Variants in TSPAN13 observed in about 807,000 individuals in gnomAD.
TSPAN13 encodes the protein tetraspanin-13.
A neutral mutation model predicts 26.9 loss-of-function variants in TSPAN13; 18 were observed. The ratio of observed to expected loss-of-function variants is 0.67; its 90% CI spans 0.46 to 0.99. The LOEUF (loss-of-function observed/expected upper bound fraction) is 0.99. Ranked by LOEUF, TSPAN13 falls within the 50% of genes least tolerant of loss-of-function variation. The pLI, the probability that TSPAN13 is intolerant of heterozygous loss-of-function variation, is 0.00. For synonymous variants in TSPAN13, 116 were observed against 98.4 expected, an observed-to-expected ratio of 1.18 and a Z score of -1.06; for missense variants, 201 against 249.6, an observed-to-expected ratio of 0.81 and a Z score of 1.31.
intron 1 of TSPAN13, among the ~76,000 whole-genome samples, chr7:16,756,643 G>A (rs1231061770): frequency 6.6e-6 from 1 of 152,146 alleles, no homozygotes; most frequent in Non-Finnish European, 1.5e-5. Context: ...TGTTGTTTAT[G>A]GCTTGATTAT....
At chr7:16,781,349 T>C (rs889323649) in intron 5 of TSPAN13, among the ~76,000 whole-genome samples, 1 of 152,208 alleles carries the variant, frequency 6.6e-6, no homozygotes, top group African/African-American at 2.4e-5. Context: ...TACATTTTCA[T>C]GTTATGAGCA....
chr7:16,769,116 G>GT (rs1184314318), intron 1 of TSPAN13, among the ~76,000 whole-genome samples: 10 of 152,108 alleles, frequency 6.6e-5, no homozygotes, highest in African/African-American at 2.4e-4. Context: ...ATGAGCCACT[G>GT]TGCCTGGCCA....
In TSPAN13 at chr7:16,783,622, T is replaced by C; in HGVS notation, c.*131T>C. On this transcript the variant is annotated 3_prime_UTR_variant, in exon 6 of 6. Coordinates refer to ENST00000262067, the MANE Select transcript of TSPAN13 (RefSeq NM_014399.4). ...AAGTACCTTATTGATAGTGGAATTATATATTTTTACTCTATGTTTCTCTAC... is the reference window on the plus strand; with the variant it reads ...AAGTACCTTATTGATAGTGGAATTACATATTTTTACTCTATGTTTCTCTAC... 8 of 817,650 alleles carry C rather than the reference T, an allele frequency of 9.8e-6. No individual in the cohort carries two copies. Among genetic ancestry groups the C allele is most frequent in the Non-Finnish European group, 6.0e-6 (3 of 502,084 alleles). The allele number at this position is 817,650 out of a possible 1,614,324, so 50.6% of individuals were successfully genotyped here.
chr7:16,763,536 C>T (rs530279075), intron 1 of TSPAN13, among the ~76,000 whole-genome samples: 4 of 152,288 alleles, frequency 2.6e-5, no homozygotes, highest in South Asian at 2.1e-4. Flanking sequence ...GTTTCTTTTA[C>T]GGGCTAGATC....
intron 1 of TSPAN13, among the ~76,000 whole-genome samples, chr7:16,756,138 T>C (rs1157981505): frequency 1.3e-5 from 2 of 152,208 alleles, no homozygotes; most frequent in African/African-American, 4.8e-5. Context: ...AAGTCTTAGA[T>C]AGATGCTGAA....
At chr7:16,761,653 A>G (rs972051344) in intron 1 of TSPAN13, among the ~76,000 whole-genome samples, 6 of 150,842 alleles carry the variant, frequency 4.0e-5, no homozygotes, top group African/African-American at 1.2e-4. Flanking sequence ...CTGAGTAGCT[A>G]GAACTACAAG....
chr7:16,755,937 G>A (rs2115318903), intron 1 of TSPAN13, among the ~76,000 whole-genome samples: 1 of 152,202 alleles, frequency 6.6e-6, no homozygotes, highest in Admixed American at 6.5e-5. Context: ...TAATAGCTAT[G>A]CAGTAAAACT....
chr7:16,762,913 A>G (rs1324517393), intron 1 of TSPAN13, among the ~76,000 whole-genome samples: 2 of 152,186 alleles, frequency 1.3e-5, no homozygotes, highest in African/African-American at 2.4e-5. Context: ...TAAGGTGAAT[A>G]TACTTAAAGT....
chr7:16,775,193 A>G (rs140086955), intron 1 of TSPAN13, among the ~76,000 whole-genome samples: 1 of 152,176 alleles, frequency 6.6e-6, no homozygotes, highest in Non-Finnish European at 1.5e-5. Flanking sequence ...CTGTTCAACA[A>G]CCTGTCCCCC....
chr7:16,761,416 C>G (rs993372067), intron 1 of TSPAN13, among the ~76,000 whole-genome samples: 3 of 152,192 alleles, frequency 2.0e-5, no homozygotes, highest in Admixed American at 6.5e-5. Context: ...CTGAATTGCT[C>G]TTCAGTTTTC....
At chr7:16,778,213 T>A (rs373869409) in intron 4 of TSPAN13, among the ~76,000 whole-genome samples, 1 of 152,196 alleles carries the variant, frequency 6.6e-6, no homozygotes, top group East Asian at 1.9e-4. Context: ...CGTCAGTTCA[T>A]GTGTTCATAT....
At chr7:16,771,227 A>G (rs1344415717) in intron 1 of TSPAN13, among the ~76,000 whole-genome samples, 1 of 152,150 alleles carries the variant, frequency 6.6e-6, no homozygotes, top group Non-Finnish European at 1.5e-5. Context: ...GTGCTCACTT[A>G]CGTATTTAAA....
At chr7:16,767,974 A>G (rs577138648) in intron 1 of TSPAN13, among the ~76,000 whole-genome samples, 12 of 152,184 alleles carry the variant, frequency 7.9e-5, no homozygotes, top group Admixed American at 7.2e-4. Flanking sequence ...GTGCAGTGGC[A>G]CCATCTCGGC....
At chr7:16,764,765 G>A (rs1240309107) in intron 1 of TSPAN13, among the ~76,000 whole-genome samples, 1 of 151,910 alleles carries the variant, frequency 6.6e-6, no homozygotes, top group African/African-American at 2.4e-5. Flanking sequence ...ACATCTCAGT[G>A]TTAAAAATTT....
At chr7:16,756,971 A>G (rs818807) in intron 1 of TSPAN13, among the ~76,000 whole-genome samples, 2,229 of 152,328 alleles carry the variant, frequency 0.015, 64 homozygotes, top group African/African-American at 0.051. Flanking sequence ...ATATGTTTTC[A>G]GGAATTGTAT....
chr7:16,764,263 G>A (rs921213749), intron 1 of TSPAN13, among the ~76,000 whole-genome samples: 8 of 150,356 alleles, frequency 5.3e-5, no homozygotes, highest in Non-Finnish European at 7.4e-5. Flanking sequence ...TCCTGACCTC[G>A]TGATCTGCCC....
intron 1 of TSPAN13, among the ~76,000 whole-genome samples, chr7:16,755,861 A>T (rs1784476367): frequency 6.6e-6 from 1 of 152,172 alleles, no homozygotes; most frequent in South Asian, 2.1e-4. Context: ...TTCTAAAGGG[A>T]CATATTAAGA....
chr7:16,767,731 G>A (rs1475918108), intron 1 of TSPAN13, among the ~76,000 whole-genome samples: 4 of 152,140 alleles, frequency 2.6e-5, no homozygotes, highest in Non-Finnish European at 4.4e-5. Flanking sequence ...TCTAGTGCAT[G>A]TGAGATGGTA....
In TSPAN13 at chr7:16,753,996, A is replaced by G. The variant is rs1480711843; in HGVS notation, c.29A>G (p.Lys10Arg). ...GTTTGCGGGGGCTTCGCGTGTTCCA[A>G]GAACTGCCTGTGCGCCCTCAACCTG... MVCGGFACSKNCLCALNLLY... is the reference protein window; with the variant it reads MVCGGFACSRNCLCALNLLY... The change falls in exon 1 of 6, where the codon AAG (lysine) becomes AGG (arginine). Residue 10 changes from lysine to arginine, a missense_variant. Physicochemically the swap from Lys to Arg is conservative, Grantham distance 26. Transcript: ENST00000262067. The G allele has an allele frequency of 1.9e-6, 3 of 1,613,640 alleles. No individual in the cohort carries two copies. The highest frequency in any genetic ancestry group is 2.7e-5 in the African/African-American group (2 of 74,920).
Sources: allele counts gnomAD v4.1 joint callset (sites outside exome capture counted in the v4.1 genomes callset), GRCh38; gene constraint gnomAD v4.1.1; transcripts MANE v1.5; gene names NCBI Gene and HGNC (gene_info 2026-07-23, HGNC 2026-07-21).